Variants in SIK3 observed in about 807,000 individuals in gnomAD.
The protein encoded by SIK3 is serine/threonine-protein kinase SIK3.
In SIK3, 28 loss-of-function variants were observed where a neutral mutation model predicts 144.2. The observed-to-expected ratio is 0.19, with a 90% CI of 0.14 to 0.27. The LOEUF is 0.27. SIK3 is among the 10% of genes least tolerant of loss of function. SIK3 has a pLI of 1.00. For synonymous variants in SIK3, 686 were observed against 676.3 expected, an observed-to-expected ratio of 1.01 and a Z score of -0.22; for missense variants, 1,319 against 1,776.0, an observed-to-expected ratio of 0.74 and a Z score of 4.62.
chr11:116,925,788 T>C (rs751461198), intron 4 of SIK3, among the ~76,000 whole-genome samples: 18 of 152,218 alleles, frequency 1.2e-4, no homozygotes, highest in Non-Finnish European at 2.1e-4. Context: ...CCAGTATCTA[T>C]AGAGCTTTGG....
intron 6 of SIK3, among the ~76,000 whole-genome samples, chr11:116,894,252 T>G (rs1565419362): frequency 3.3e-5 from 5 of 152,174 alleles, no homozygotes; most frequent in Admixed American, 2.6e-4. Context: ...CATGGACCTC[T>G]TCTCTTCTCT....
At chr11:117,077,276 T>C (rs923215513) in intron 1 of SIK3, among the ~76,000 whole-genome samples, 16 of 152,250 alleles carry the variant, frequency 1.1e-4, no homozygotes, top group African/African-American at 3.6e-4. Context: ...TTTTTGGACC[T>C]AGCCTATGAA....
intron 3 of SIK3, among the ~76,000 whole-genome samples, chr11:116,938,608 G>A (rs1591374744): frequency 4.5e-5 from 3 of 66,828 alleles, no homozygotes; most frequent in African/African-American, 1.7e-4. Context: ...GAGGAGAGGA[G>A]AGGAGAGGGG....
chr11:117,059,304 G>T lies in SIK3; in HGVS notation c.273+38839C>A, dbSNP rs10892069. On this transcript the variant is annotated intron_variant, in intron 1 of 24. Transcript: ENST00000445177. ...AGAGTAAGAGAAAATGATTTAGAAG[G>T]AATAGGAATTAAAGTCTCAGTTACA... is the stretch of plus-strand genomic sequence containing the variant. Among the ~76,000 whole-genome samples, 1,155 of 152,186 alleles carry T rather than the reference G, an allele frequency of 7.6e-3. 12 individuals are homozygous for T. The highest frequency in any genetic ancestry group is 0.024 in the African/African-American group (989 of 41,526).
chr11:116,968,912 C>A (rs187984457), intron 1 of SIK3, among the ~76,000 whole-genome samples: 3 of 152,080 alleles, frequency 2.0e-5, no homozygotes, highest in Admixed American at 6.6e-5. Context: ...TATGACAATA[C>A]TACTTTTAAG....
intron 21 of SIK3, among the ~76,000 whole-genome samples, chr11:116,852,166 G>T (rs955358445): frequency 3.3e-5 from 5 of 152,168 alleles, no homozygotes; most frequent in Non-Finnish European, 7.4e-5. Context: ...TGCCTCTTCT[G>T]GAGGCCTCAG....
At chr11:116,967,009 A>AAAAAAG (rs1006216341) in intron 1 of SIK3, among the ~76,000 whole-genome samples, 7 of 143,446 alleles carry the variant, frequency 4.9e-5, no homozygotes, top group Admixed American at 4.2e-4. Context: ...GTTTCAAAAA[A>AAAAAAG]AAAAAGAAAA....
intron 1 of SIK3, among the ~76,000 whole-genome samples, chr11:117,066,987 T>C (rs535222918): frequency 6.6e-6 from 1 of 152,260 alleles, no homozygotes; most frequent in East Asian, 1.9e-4. Flanking sequence ...GACACAACTA[T>C]TGGAACAACT....
chr11:116,907,367 C>A (rs184283305), intron 4 of SIK3, among the ~76,000 whole-genome samples: 110 of 152,306 alleles, frequency 7.2e-4, no homozygotes, highest in Admixed American at 1.2e-3. Flanking sequence ...TAAAAATTTG[C>A]CAGGCACAGT....
chr11:116,976,865 C>T (rs928745678), intron 1 of SIK3, among the ~76,000 whole-genome samples: 1 of 152,042 alleles, frequency 6.6e-6, no homozygotes, highest in African/African-American at 2.4e-5. Context: ...AAAATAACAA[C>T]AGGTAAATAT....
rs1337620423 is a variant in SIK3, at chr11:116,846,936, G to C, written c.3953-383C>G. Among the ~76,000 whole-genome samples, 6 of 152,186 alleles carry C rather than the reference G, an allele frequency of 3.9e-5. No homozygotes were observed. Among genetic ancestry groups the C allele is most frequent in the African/African-American group, 1.4e-4 (6 of 41,456 alleles). On this transcript the variant is annotated intron_variant, in intron 23 of 24. Transcript: ENST00000445177. The surrounding 1 kb of genome is among the most constrained non-coding windows in gnomAD (Gnocchi z 4.1). ...GGGCACTGTCTGTCTTCCAGACACT[G>C]TGCTAAGCACTTGATACTCACTAAG...
At chr11:116,948,934 T>C (rs1591404001) in intron 3 of SIK3, among the ~76,000 whole-genome samples, 2 of 152,104 alleles carry the variant, frequency 1.3e-5, no homozygotes, top group Non-Finnish European at 2.9e-5. Flanking sequence ...TGGAATGAAA[T>C]TGGAAATCAA....
At chr11:116,975,636 C>T (rs1434190533) in intron 1 of SIK3, among the ~76,000 whole-genome samples, 1 of 152,056 alleles carries the variant, frequency 6.6e-6, no homozygotes, top group African/African-American at 2.4e-5. Flanking sequence ...GGTTGTTCTG[C>T]TTTTTGGCTA....
At chr11:116,897,010 G>A (rs936031201) in intron 5 of SIK3, among the ~76,000 whole-genome samples, 183 bp downstream of exon 5, 1 of 133,378 alleles carries the variant, frequency 7.5e-6, no homozygotes, top group Non-Finnish European at 1.6e-5. Context: ...CTGGGCGACA[G>A]AGTGAGACTC....
Position 117,098,226 on chromosome 11 carries a change from C to T in SIK3, c.190G>A (p.Gly64Ser). Residue 64 changes from glycine (G) to serine (S), a missense_variant, in exon 1 of 25, where the codon GGC becomes AGC. This residue lies in a region of SIK3 where 114 missense variants were observed against 116.2 expected (regional missense o/e 0.98). Transcript: ENST00000445177. ...ATGGTGCGGTCGATCTCGTAGTAGCCGATACGGGCGGGCATGGGTCCGCGG... is the reference window on the plus strand; with the variant it reads ...ATGGTGCGGTCGATCTCGTAGTAGCTGATACGGGCGGGCATGGGTCCGCGG... Reference protein sequence around the residue: ...ASRGPMPARIGYYEIDRTIGK... With the variant: ...ASRGPMPARISYYEIDRTIGK... 1 of 1,501,592 alleles carries T rather than the reference C, an allele frequency of 6.7e-7. No homozygotes were observed. The highest frequency in any genetic ancestry group is 1.2e-5 in the South Asian group (1 of 84,766). The allele number at this position is 1,501,592 out of a possible 1,614,324, so 93.0% of individuals were successfully genotyped here. A position where few individuals can be genotyped will look rare whatever the true frequency, so the allele number is the denominator to read the frequency against.
At chr11:116,937,980 G>A (rs1948007850) in intron 3 of SIK3, among the ~76,000 whole-genome samples, 1 of 152,030 alleles carries the variant, frequency 6.6e-6, no homozygotes, top group Non-Finnish European at 1.5e-5. Flanking sequence ...TGAGACAAGT[G>A]GATCACTTGA....
chr11:117,000,818 A>G (rs574917019), intron 1 of SIK3, among the ~76,000 whole-genome samples: 52 of 152,344 alleles, frequency 3.4e-4, no homozygotes, highest in South Asian at 2.1e-3. Context: ...AACTAGCCCA[A>G]TGAGATCATT....
intron 1 of SIK3, among the ~76,000 whole-genome samples, chr11:117,002,377 C>T (rs1950886243): frequency 6.6e-6 from 1 of 151,666 alleles, no homozygotes; most frequent in Non-Finnish European, 1.5e-5. Flanking sequence ...TCCAGTGTGG[C>T]CAGGGAAGCC....
intron 3 of SIK3, 45 bp downstream of exon 3, chr11:116,953,999 T>C (rs1227417292): frequency 7.2e-6 from 11 of 1,517,792 alleles, no homozygotes; most frequent in African/African-American, 2.7e-5. Flanking sequence ...AGGTTTGCCA[T>C]AGTGTGCTCA....
Sources: allele counts gnomAD v4.1 joint callset (sites outside exome capture counted in the v4.1 genomes callset), GRCh38; gene constraint gnomAD v4.1.1; regional missense constraint gnomAD v4.1.1; non-coding constraint Gnocchi (gnomAD v3.1); transcripts MANE v1.5; gene names NCBI Gene and HGNC (gene_info 2026-07-23, HGNC 2026-07-21).